The following EXOC1L variants were observed in gnomAD, a reference collection of about 807,000 sequenced individuals.
The protein encoded by EXOC1L is exocyst complex component 1-like.
In EXOC1L, 10 loss-of-function variants were observed where a neutral mutation model predicts 4.9. The ratio of observed to expected loss-of-function variants is 2.02; its 90% confidence interval spans 1.25 to 3.43. EXOC1L has a LOEUF of 3.43. Ranked by LOEUF, EXOC1L falls within the 30% of genes most tolerant of loss-of-function variation. The pLI is 0.00. For missense variants in EXOC1L, 114 were observed against 59.4 expected, an observed-to-expected ratio of 1.92 and a Z score of -3.02; for synonymous variants, 41 against 20.8, an observed-to-expected ratio of 1.97 and a Z score of -2.63.
intron 2 of EXOC1L, among the ~76,000 whole-genome samples, chr4:55,836,222 T>G (rs1020790919): frequency 1.3e-5 from 2 of 151,908 alleles, no homozygotes; most frequent in African/African-American, 4.8e-5. Flanking sequence ...AATGTTTGCC[T>G]CCACTTCTCC....
chr4:55,824,819 A>G (rs1719840566), intron 1 of EXOC1L, among the ~76,000 whole-genome samples: 1 of 152,178 alleles, frequency 6.6e-6, no homozygotes, highest in Non-Finnish European at 1.5e-5. Flanking sequence ...GGTAGCTTGG[A>G]TTTTAGAGTA....
chr4:55,822,980 CAT>C (rs1491085924), intron 1 of EXOC1L, among the ~76,000 whole-genome samples: 4 of 150,394 alleles, frequency 2.7e-5, no homozygotes, highest in South Asian at 2.1e-4. Flanking sequence ...AAATAGTAAA[CAT>C]GTGTGTATAT....
intron 1 of EXOC1L, among the ~76,000 whole-genome samples, chr4:55,824,857 A>G (rs1719842085): frequency 6.6e-6 from 1 of 152,196 alleles, no homozygotes; most frequent in Non-Finnish European, 1.5e-5. Flanking sequence ...TCTAAAATGA[A>G]CAACCCACAT....
At chr4:55,830,135 A>G (rs760204398) in intron 1 of EXOC1L, among the ~76,000 whole-genome samples, 7 of 152,172 alleles carry the variant, frequency 4.6e-5, no homozygotes, top group African/African-American at 9.7e-5. Flanking sequence ...TTCCCTTCTC[A>G]GAACTCCTAT....
intron 2 of EXOC1L, among the ~76,000 whole-genome samples, chr4:55,834,875 G>A (rs186322846): frequency 6.6e-6 from 1 of 151,670 alleles, no homozygotes; most frequent in South Asian, 2.1e-4. Flanking sequence ...GTGGTGTCTG[G>A]TTACATGAGT....
chr4:55,827,799 G>C (rs754422183), intron 1 of EXOC1L, among the ~76,000 whole-genome samples: 1 of 152,150 alleles, frequency 6.6e-6, no homozygotes, highest in Non-Finnish European at 1.5e-5. Flanking sequence ...CTGCCTCCTG[G>C]TGGAGGAAAA....
chr4:55,824,561 G>A (rs111791429), intron 1 of EXOC1L, among the ~76,000 whole-genome samples: 2,186 of 151,872 alleles, frequency 0.014, 52 homozygotes, highest in African/African-American at 0.049. Context: ...ATGGGGTCTC[G>A]CTATATTGCC....
At chr4:55,820,608 T>C (rs1337471228) in intron 1 of EXOC1L, among the ~76,000 whole-genome samples, 1 of 152,196 alleles carries the variant, frequency 6.6e-6, no homozygotes, top group Non-Finnish European at 1.5e-5. Context: ...AAACAAAGCC[T>C]TAGATTTTCT....
intron 2 of EXOC1L, among the ~76,000 whole-genome samples, chr4:55,833,434 T>C (rs2110285365): frequency 6.6e-6 from 1 of 151,984 alleles, no homozygotes; most frequent in African/African-American, 2.4e-5. Context: ...CTTTAATAAG[T>C]TACCTCTGTG....
At position 55,837,251 on chromosome 4, in the gene EXOC1L, C is replaced by A. The variant is rs1383759943; in HGVS notation, c.419C>A (p.Ser140Tyr). Residue 140 changes from serine to tyrosine, a missense_variant, in exon 3 of 3, where the codon TCC (serine) becomes TAC (tyrosine). Physicochemically the swap from Ser to Tyr is moderately radical, Grantham distance 144 (BLOSUM62 -2). Transcript: ENST00000636125. ...GATTCTACATACATTAACGATGATT[C>A]CATTTGGTCCTCCAACAATAAGGAT... The part of the protein sequence containing the change: ...NFDSTYINDD[S>Y]IWSSNNKDCL... 2.9e-6 allele frequency: 2 copies of A among 701,008 alleles called. No individual in the cohort carries two copies. The highest frequency in any genetic ancestry group is 1.7e-5 in the African/African-American group (1 of 57,308). The allele number at this position is 701,008 out of a possible 1,614,324, so 43.4% of individuals were successfully genotyped here.
At chr4:55,821,210 C>T (rs1350483267) in intron 1 of EXOC1L, among the ~76,000 whole-genome samples, 1 of 151,922 alleles carries the variant, frequency 6.6e-6, no homozygotes, top group Non-Finnish European at 1.5e-5. Flanking sequence ...GTAATATTTA[C>T]CCAATAATAA....
intron 1 of EXOC1L, among the ~76,000 whole-genome samples, chr4:55,822,235 G>T (rs1425673368): frequency 1.3e-5 from 2 of 152,044 alleles, no homozygotes; most frequent in Non-Finnish European, 2.9e-5. Context: ...TCTTTTGCAG[G>T]GGTCTTGCAG....
At chr4:55,824,945 AT>A (rs1719844747) in intron 1 of EXOC1L, among the ~76,000 whole-genome samples, 1 of 152,224 alleles carries the variant, frequency 6.6e-6, no homozygotes, top group African/African-American at 2.4e-5. Context: ...AAATGTGGAA[AT>A]CAAGATGATC....
chr4:55,825,061 A>G (rs1719846659), intron 1 of EXOC1L, among the ~76,000 whole-genome samples: 1 of 152,196 alleles, frequency 6.6e-6, no homozygotes, highest in Non-Finnish European at 1.5e-5. Flanking sequence ...CATTATTAGC[A>G]TGGCATTATT....
chr4:55,821,797 T>C (rs926032928), intron 1 of EXOC1L, among the ~76,000 whole-genome samples: 1 of 152,238 alleles, frequency 6.6e-6, no homozygotes, highest in Non-Finnish European at 1.5e-5. Flanking sequence ...TTATAAGCCA[T>C]GTCAGTTCAC....
chr4:55,827,564 C>T (rs573641172), intron 1 of EXOC1L, among the ~76,000 whole-genome samples: 5 of 152,196 alleles, frequency 3.3e-5, no homozygotes, highest in African/African-American at 4.8e-5. Context: ...AAAGGGCACT[C>T]GAATATTTAT....
In EXOC1L at chr4:55,831,671, T is replaced by C. The variant is rs542604965; in HGVS notation, c.252+207T>C. ...TTCAAGTGAAATTTTGTCTATTAAA[T>C]TTAAAAGCACCTTTCCCAAGGGCCA... On this transcript the variant is annotated intron_variant, in intron 2 of 2. Coordinates refer to ENST00000636125, the MANE Select transcript of EXOC1L (RefSeq NM_001351574.3). 6.6e-5 allele frequency among the ~76,000 whole-genome samples: 10 copies of C among 152,244 alleles called. No homozygotes were observed. The South Asian group carries it at 1.5e-3, about 22-fold the overall frequency.
At chr4:55,831,938 T>G (rs1282609069) in intron 2 of EXOC1L, among the ~76,000 whole-genome samples, 1 of 152,004 alleles carries the variant, frequency 6.6e-6, no homozygotes, top group Non-Finnish European at 1.5e-5. Flanking sequence ...TCTCACCACT[T>G]GACCCCTGAC....
At chr4:55,828,036 C>A (rs1221100882) in intron 1 of EXOC1L, among the ~76,000 whole-genome samples, 2 of 152,094 alleles carry the variant, frequency 1.3e-5, no homozygotes, top group Non-Finnish European at 1.5e-5. Context: ...CTCATTGACC[C>A]CAAGTTAAGA....
Sources: gnomAD v4.1 joint callset for allele counts (sites outside exome capture counted in the v4.1 genomes callset) on GRCh38, gnomAD v4.1.1 for gene constraint, MANE v1.5 for transcripts, NCBI Gene and HGNC (gene_info 2026-07-23, HGNC 2026-07-21) for gene names.